Variants in RALGAPA2 observed in about 807,000 individuals in gnomAD.
RALGAPA2 encodes ral GTPase-activating protein subunit alpha-2.
A neutral mutation model predicts 230.4 loss-of-function variants in RALGAPA2; 139 were observed. The observed-to-expected ratio is 0.60, with a 90% confidence interval of 0.53 to 0.69. The LOEUF (loss-of-function observed/expected upper bound fraction) is 0.69, where lower values mean the gene tolerates loss of function less well. RALGAPA2 is among the 30% of genes least tolerant of loss of function. The probability of loss-of-function intolerance (pLI) is 0.00; values close to 1 mark genes in which losing one functional copy is unlikely to be tolerated. For missense variants in RALGAPA2, 2,163 were observed against 2,276.0 expected, an observed-to-expected ratio of 0.95 and a Z score of 1.01; for synonymous variants, 847 against 837.8, an observed-to-expected ratio of 1.01 and a Z score of -0.19.
intron 37 of RALGAPA2, among the ~76,000 whole-genome samples, chr20:20,443,056 A>G (rs1241435009): frequency 6.6e-6 from 1 of 152,270 alleles, no homozygotes; most frequent in Non-Finnish European, 1.5e-5. Flanking sequence ...ATTTTACAAT[A>G]GCTGCATTTA....
At position 20,451,496 on chromosome 20, in the gene RALGAPA2, G is replaced by A. The variant is rs565174719; in HGVS notation, c.5495+21333C>T. ...TGCAAAAGTGCTCATGTGCCAGACTGGCTACAAAACACTTACTGATCCATA... is the reference window on the plus strand; with the variant it reads ...TGCAAAAGTGCTCATGTGCCAGACTAGCTACAAAACACTTACTGATCCATA... On this transcript the variant is annotated intron_variant, in intron 37 of 39. Coordinates refer to ENST00000202677, the MANE Select transcript of RALGAPA2 (RefSeq NM_020343.4). Among the ~76,000 whole-genome samples, 23 of 152,240 alleles carry A rather than the reference G, an allele frequency of 1.5e-4. No homozygotes were observed. The South Asian group carries it at 3.5e-3, about 23-fold the overall frequency.
rs1197552547 is a variant in RALGAPA2 at position 20,637,489 on chromosome 20, C to T, written c.679G>A (p.Glu227Lys). 1.3e-6 allele frequency: 2 copies of T among 1,565,706 alleles called. No individual in the cohort carries two copies. The highest frequency in any genetic ancestry group is 1.7e-6 in the Non-Finnish European group (2 of 1,154,040). Residue 227 changes from glutamate (E) to lysine (K), a missense_variant, in exon 8 of 40, where the codon GAG becomes AAG. Physicochemically the swap from Glu to Lys is moderately conservative, Grantham distance 56 (BLOSUM62 1). Coordinates refer to ENST00000202677, the MANE Select transcript of RALGAPA2 (RefSeq NM_020343.4). The part of the protein sequence containing the change: ...KYMVIQAASL[E>K]WKNKENQDTG... ...TCTTGATTCTCCTTATTCTTCCACTCCAAGCTCGCAGCCTTTGGATAATAT... is the reference window on the plus strand; with the variant it reads ...TCTTGATTCTCCTTATTCTTCCACTTCAAGCTCGCAGCCTTTGGATAATAT...
chr20:20,411,240 T>C (rs899698734), intron 38 of RALGAPA2, among the ~76,000 whole-genome samples: 1 of 152,200 alleles, frequency 6.6e-6, no homozygotes, highest in Non-Finnish European at 1.5e-5. Context: ...CCATTTATTC[T>C]CTGAAAGGCA....
At chr20:20,671,735 C>T (rs2068141716) in intron 3 of RALGAPA2, among the ~76,000 whole-genome samples, 1 of 152,148 alleles carries the variant, frequency 6.6e-6, no homozygotes, top group Admixed American at 6.5e-5. Context: ...AGTATTAACA[C>T]CCTCCCTAGT....
chr20:20,515,963 G>A lies in RALGAPA2; in HGVS notation c.4085-2679C>T, dbSNP rs574802509. On this transcript the variant is annotated intron_variant, in intron 31 of 39. Transcript: ENST00000202677. Reference sequence around the variant, plus strand: ...GGCCTGCGGCAGATCTGGGTTCTGCGTGCAGACTGCCTGGATCTAAACCTG... The same window carrying A: ...GGCCTGCGGCAGATCTGGGTTCTGCATGCAGACTGCCTGGATCTAAACCTG... 2.3e-4 allele frequency among the ~76,000 whole-genome samples: 35 copies of A among 152,294 alleles called. No homozygotes were observed. The East Asian group carries it at 2.9e-3, about 13-fold the overall frequency.
At chr20:20,400,470 A>G (rs2059808823) in intron 38 of RALGAPA2, among the ~76,000 whole-genome samples, 2 of 152,208 alleles carry the variant, frequency 1.3e-5, no homozygotes, top group Admixed American at 1.3e-4. Context: ...ATTGGTAAAA[A>G]AAATTTTCCT....
intron 9 of RALGAPA2, among the ~76,000 whole-genome samples, chr20:20,631,708 G>C (rs934559677): frequency 6.6e-6 from 1 of 152,184 alleles, no homozygotes; most frequent in Non-Finnish European, 1.5e-5. Flanking sequence ...ACTGTTTCAA[G>C]ACATTAAGTT....
intron 3 of RALGAPA2, among the ~76,000 whole-genome samples, chr20:20,668,547 A>C (rs919407108): frequency 6.6e-6 from 1 of 152,244 alleles, no homozygotes; most frequent in African/African-American, 2.4e-5. Flanking sequence ...ATGCACATAA[A>C]AAACATGGAG....
chr20:20,556,150 C>G (rs574739556), intron 23 of RALGAPA2, among the ~76,000 whole-genome samples: 2 of 152,296 alleles, frequency 1.3e-5, no homozygotes, highest in African/African-American at 4.8e-5. Context: ...GCTCAGGGTG[C>G]TGTGAGATCA....
At chr20:20,457,308 C>A (rs903563722) in intron 37 of RALGAPA2, among the ~76,000 whole-genome samples, 1 of 152,122 alleles carries the variant, frequency 6.6e-6, no homozygotes, top group Non-Finnish European at 1.5e-5. Context: ...TCCTATAAAT[C>A]GTATTATCTT....
chr20:20,464,378 TAA>T (rs1291419409), intron 37 of RALGAPA2, among the ~76,000 whole-genome samples: 1 of 152,172 alleles, frequency 6.6e-6, no homozygotes, highest in Non-Finnish European at 1.5e-5. Flanking sequence ...TACATACAAT[TAA>T]GAGTTAAAAA....
chr20:20,443,980 G>A (rs1012241329), intron 37 of RALGAPA2, among the ~76,000 whole-genome samples: 1 of 152,234 alleles, frequency 6.6e-6, no homozygotes, highest in Non-Finnish European at 1.5e-5. Context: ...TCCTGGCTGC[G>A]CATGAGAATC....
At chr20:20,438,401 T>C (rs992899512) in intron 37 of RALGAPA2, among the ~76,000 whole-genome samples, 1 of 152,264 alleles carries the variant, frequency 6.6e-6, no homozygotes, top group African/African-American at 2.4e-5. Flanking sequence ...TCTGGAATCC[T>C]ATATGCTTTA....
intron 10 of RALGAPA2, among the ~76,000 whole-genome samples, chr20:20,624,401 G>T (rs16982047): frequency 6.6e-6 from 1 of 150,748 alleles, no homozygotes; most frequent in Non-Finnish European, 1.5e-5. Context: ...AGGCATAAGC[G>T]TTCCAGGACA....
At chr20:20,430,088 T>A (rs1390484499) in intron 37 of RALGAPA2, among the ~76,000 whole-genome samples, 1 of 152,210 alleles carries the variant, frequency 6.6e-6, no homozygotes, top group East Asian at 1.9e-4. Context: ...AGAACCTGCA[T>A]CCCCTCATCT....
intron 27 of RALGAPA2, among the ~76,000 whole-genome samples, chr20:20,526,701 C>T (rs183055911): frequency 2.9e-3 from 447 of 152,234 alleles, no homozygotes; most frequent in South Asian, 5.2e-3. Flanking sequence ...TAAAATGTAC[C>T]CCCATACACT....
At chr20:20,452,121 T>C (rs1230188043) in intron 37 of RALGAPA2, among the ~76,000 whole-genome samples, 2 of 152,134 alleles carry the variant, frequency 1.3e-5, no homozygotes, top group African/African-American at 2.4e-5. Flanking sequence ...ACTCTTCCAA[T>C]GTAAAAAAGA....
chr20:20,567,334 T>C (rs1038704788), intron 23 of RALGAPA2, among the ~76,000 whole-genome samples: 10 of 152,174 alleles, frequency 6.6e-5, no homozygotes, highest in African/African-American at 2.2e-4. Flanking sequence ...GGAATTCTGA[T>C]GTGAAAAAGC....
chr20:20,505,096 C>G, intron 34 of RALGAPA2: 2 of 985,412 alleles, frequency 2.0e-6, no homozygotes, highest in Non-Finnish European at 2.4e-6. Context: ...TGGCCAAAGC[C>G]ATTGCTTCTC....
Sources: allele counts gnomAD v4.1 joint callset (sites outside exome capture counted in the v4.1 genomes callset), GRCh38; gene constraint gnomAD v4.1.1; transcripts MANE v1.5; gene names NCBI Gene and HGNC (gene_info 2026-07-23, HGNC 2026-07-21).